JAK2: variants seen among roughly 807,000 people sequenced by gnomAD.
The protein encoded by JAK2 is Janus kinase 2.
In JAK2, 86 loss-of-function variants were observed where a neutral mutation model predicts 139.3. The ratio of observed to expected loss-of-function variants is 0.62; its 90% CI spans 0.52 to 0.74. The LOEUF (loss-of-function observed/expected upper bound fraction) is 0.74, where lower values mean the gene tolerates loss of function less well. Ranked by LOEUF, JAK2 falls within the 30% of genes least tolerant of loss-of-function variation. The probability of loss-of-function intolerance (pLI) is 0.00; values close to 1 mark genes in which losing one functional copy is unlikely to be tolerated. For missense variants in JAK2, 1,421 were observed against 1,360.3 expected (o/e 1.04, Z -0.70); for synonymous variants, 490 against 437.7 (o/e 1.12, Z -1.49).
intron 4 of JAK2, among the ~76,000 whole-genome samples, chr9:5,038,363 T>A (rs1223011856): frequency 1.3e-5 from 2 of 152,138 alleles, no homozygotes; most frequent in Non-Finnish European, 2.9e-5. Flanking sequence ...ATTAAAAAAA[T>A]TATTACTAGT....
intron 22 of JAK2, chr9:5,108,007 A>G (rs376662721): frequency 6.6e-6 from 1 of 152,110 alleles, no homozygotes; most frequent in African/African-American, 2.4e-5. Context: ...TAACATGACC[A>G]TCCACAGCCT....
At chr9:5,038,967 T>G (rs1816289324) in intron 4 of JAK2, among the ~76,000 whole-genome samples, 1 of 151,998 alleles carries the variant, frequency 6.6e-6, no homozygotes, top group East Asian at 1.9e-4. Flanking sequence ...CCCATCATTA[T>G]AAAAAAACTC....
rs1057515599 is a variant in JAK2, at chr9:5,128,120, GTT to G, written c.*1330_*1331del. On this transcript the variant is annotated 3_prime_UTR_variant, in exon 25 of 25. Coordinates refer to ENST00000381652, the MANE Select transcript of JAK2 (RefSeq NM_004972.4). ...TGTGTGTGTGTGTGTGTGTGTGTGTGTTATTTATACAAAACTTAAAATACTTG... is the reference window on the plus strand; with the variant it reads ...TGTGTGTGTGTGTGTGTGTGTGTGTGATTTATACAAAACTTAAAATACTTG... The G allele has an allele frequency of 9.8e-6, 2 of 203,640 alleles. No homozygotes were observed. The highest frequency in any genetic ancestry group is 1.9e-5 in the Non-Finnish European group (2 of 104,978). The allele number at this position is 203,640 out of a possible 1,614,324, so 12.6% of individuals were successfully genotyped here.
intron 4 of JAK2, chr9:5,041,849 C>T (rs1213290979): frequency 8.5e-6 from 4 of 469,270 alleles, no homozygotes; most frequent in African/African-American, 2.0e-5. Flanking sequence ...GGGAGCTGAA[C>T]GCGGACGACC....
In JAK2 at chr9:5,073,736, T is replaced by C. The variant is rs2130556311; in HGVS notation, c.1815T>C (p.Ser605=). The C allele has an allele frequency of 6.2e-7, 1 of 1,612,668 alleles. No individual in the cohort carries two copies. Among genetic ancestry groups the C allele is most frequent in the Non-Finnish European group, 8.5e-7 (1 of 1,179,186 alleles). ...FEAASMMSKL[S]HKHLVLNYGV... is the part of the protein sequence containing the mutation. ...CAGCAAGTATGATGAGCAAGCTTTC[T>C]CACAAGCATTTGGTTTTAAATTATG... Residue 605 remains serine, a synonymous_variant, in exon 14 of 25, where the codon TCT becomes TCC. Transcript: ENST00000381652.
chr9:5,028,757 G>A (rs185072703), intron 3 of JAK2, among the ~76,000 whole-genome samples: 3 of 152,306 alleles, frequency 2.0e-5, no homozygotes, highest in Non-Finnish European at 4.4e-5. Context: ...TCATGAACCA[G>A]CCTCTACTAG....
intron 5 of JAK2, among the ~76,000 whole-genome samples, chr9:5,049,219 A>G (rs1367814926): frequency 2.0e-5 from 3 of 152,178 alleles, no homozygotes; most frequent in African/African-American, 7.2e-5. Flanking sequence ...AAGCACTTCT[A>G]TCATTGCTAC....
At chr9:5,113,193 T>G (rs1822794586) in intron 22 of JAK2, among the ~76,000 whole-genome samples, 1 of 25,382 alleles carries the variant, frequency 3.9e-5, no homozygotes, top group Admixed American at 3.5e-4. Context: ...GGCAGGAGCT[T>G]TTTTTTTTTT....
chr9:5,086,224 C>T lies in JAK2; in HGVS notation c.2572-3450C>T, dbSNP rs551467187. The T allele has an allele frequency of 1.8e-5, 11 of 609,370 alleles. No homozygotes were observed. In the African/African-American group the frequency reaches 2.0e-4, roughly 11 times the overall value. The allele number at this position is 609,370 out of a possible 1,614,324, so 37.7% of individuals were successfully genotyped here. A position where few individuals can be genotyped will look rare whatever the true frequency, so the allele number is the denominator to read the frequency against. ...CCCGCCACCAGCGCGAGGCCACGGT[C>T]GGAGTCTGAAAGTCGCGGTAGGATG... is the stretch of plus-strand genomic sequence containing the variant. On this transcript the variant is annotated intron_variant, in intron 19 of 24. Transcript: ENST00000381652.
At chr9:5,107,920 A>G (rs1822103175) in intron 22 of JAK2, 1 of 152,188 alleles carries the variant, frequency 6.6e-6, no homozygotes, top group African/African-American at 2.4e-5. Context: ...ATCTAAATTT[A>G]CTTCAGTGCT....
At chr9:5,003,931 C>A (rs1347138513) in intron 2 of JAK2, among the ~76,000 whole-genome samples, 1 of 151,970 alleles carries the variant, frequency 6.6e-6, no homozygotes, top group African/African-American at 2.4e-5. Context: ...GGAGTAGTTT[C>A]TGCATCTATT....
chr9:5,026,491 G>A (rs949721133), intron 3 of JAK2, among the ~76,000 whole-genome samples: 1 of 152,084 alleles, frequency 6.6e-6, no homozygotes. Flanking sequence ...TTTGTCATTT[G>A]TGCCGTTTCT....
At chr9:5,072,846 G>T (rs10974947) in intron 13 of JAK2, among the ~76,000 whole-genome samples, 1 of 152,096 alleles carries the variant, frequency 6.6e-6, no homozygotes, top group East Asian at 1.9e-4. Flanking sequence ...TTAGCATTAT[G>T]TTAGGAGTGT....
chr9:5,074,629 C>A (rs1298375404), intron 14 of JAK2, among the ~76,000 whole-genome samples: 1 of 152,198 alleles, frequency 6.6e-6, no homozygotes, highest in African/African-American at 2.4e-5. Context: ...GTCTCTCTCC[C>A]TCTCCTGGGG....
intron 2 of JAK2, among the ~76,000 whole-genome samples, chr9:5,004,157 C>G (rs556807340): frequency 6.6e-6 from 1 of 152,232 alleles, no homozygotes; most frequent in Admixed American, 6.5e-5. Flanking sequence ...TTAAAATCTA[C>G]TCTTAGCAAT....
rs376496286 is a variant in JAK2 at position 5,101,101 on chromosome 9, G to C, written c.3059+10190G>C. The C allele has an allele frequency of 2.6e-5, 4 of 152,362 alleles. No individual in the cohort carries two copies. The East Asian group carries it at 7.7e-4, about 29-fold the overall frequency. 9.4% of individuals were successfully genotyped at this position (152,362 alleles called of 1,614,324 possible). ...GCATCACCTCACCCAGGAAGCACAA[G>C]GGGTCAGGGGATTTCCCTTTCCCAG... is the stretch of plus-strand genomic sequence containing the variant. On this transcript the variant is annotated intron_variant, in intron 22 of 24. Transcript: ENST00000381652.
At chr9:5,051,433 G>A (rs1296060100) in intron 6 of JAK2, among the ~76,000 whole-genome samples, 2 of 152,018 alleles carry the variant, frequency 1.3e-5, no homozygotes, top group East Asian at 1.9e-4. Context: ...ACTCACGTGG[G>A]GGAGCCTGTT....
intron 4 of JAK2, among the ~76,000 whole-genome samples, chr9:5,043,141 G>C (rs954419615): frequency 6.6e-6 from 1 of 152,234 alleles, no homozygotes; most frequent in Admixed American, 6.5e-5. Context: ...GCAGGTGTAT[G>C]TGCAGGGGGG....
At chr9:5,041,177 A>T (rs1816477772) in intron 4 of JAK2, 19 of 1,298,756 alleles carry the variant, frequency 1.5e-5, no homozygotes, top group Non-Finnish European at 2.1e-5. Context: ...GCACACCAAG[A>T]ACCTCATTTA....
Sources: allele counts gnomAD v4.1 joint callset (sites outside exome capture counted in the v4.1 genomes callset), GRCh38; gene constraint gnomAD v4.1.1; transcripts MANE v1.5; gene names NCBI Gene and HGNC (gene_info 2026-07-23, HGNC 2026-07-21).